The following CACNB2 variants were observed in gnomAD, a reference collection of about 807,000 sequenced individuals.
CACNB2 encodes the protein calcium voltage-gated channel auxiliary subunit beta 2.
In CACNB2, 42 loss-of-function variants were observed where a neutral mutation model predicts 73.3. That is an observed-to-expected ratio of 0.57 (90% CI 0.45 to 0.74). The LOEUF is 0.74. CACNB2 is among the 30% of genes least tolerant of loss of function. The probability of loss-of-function intolerance (pLI) is 0.00; values close to 1 mark genes in which losing one functional copy is unlikely to be tolerated. For synonymous variants in CACNB2, 348 were observed against 310.3 expected, an observed-to-expected ratio of 1.12 and a Z score of -1.28; for missense variants, 940 against 853.0, an observed-to-expected ratio of 1.10 and a Z score of -1.27.
At chr10:18,502,516 C>T (rs1243257874) in intron 5 of CACNB2, among the ~76,000 whole-genome samples, 1 of 150,104 alleles carries the variant, frequency 6.7e-6, no homozygotes, top group African/African-American at 2.5e-5. Flanking sequence ...TTGTGAAACC[C>T]CGTCTCTACT....
At chr10:18,256,218 GT>G (rs1243080786) in intron 2 of CACNB2, among the ~76,000 whole-genome samples, 1 of 151,980 alleles carries the variant, frequency 6.6e-6, no homozygotes, top group Admixed American at 6.6e-5. Flanking sequence ...AATTCATTAG[GT>G]TTGTAATTTA....
intron 3 of CACNB2, among the ~76,000 whole-genome samples, chr10:18,471,791 A>G (rs1443556766): frequency 2.6e-5 from 4 of 152,174 alleles, no homozygotes; most frequent in Admixed American, 1.3e-4. Flanking sequence ...GTCCTTTTAT[A>G]ATTGAGGTAA....
chr10:18,333,201 A>T (rs1019340523), intron 2 of CACNB2, among the ~76,000 whole-genome samples: 1 of 152,168 alleles, frequency 6.6e-6, no homozygotes, highest in Non-Finnish European at 1.5e-5. Flanking sequence ...ATATGCTTGA[A>T]TTCAACGCGC....
chr10:18,185,956 A>G (rs1433055962), intron 2 of CACNB2, among the ~76,000 whole-genome samples: 1 of 152,146 alleles, frequency 6.6e-6, no homozygotes, highest in Non-Finnish European at 1.5e-5. Context: ...TCGTAAGGTG[A>G]TAAAGAATGG....
chr10:18,420,383 G>T (rs1383280247), intron 3 of CACNB2, among the ~76,000 whole-genome samples: 3 of 151,898 alleles, frequency 2.0e-5, no homozygotes, highest in Non-Finnish European at 4.4e-5. Context: ...AGAAATTGGT[G>T]CACATGATTA....
intron 2 of CACNB2, among the ~76,000 whole-genome samples, chr10:18,334,237 T>C (rs2040915073): frequency 6.6e-6 from 1 of 152,122 alleles, no homozygotes; most frequent in Non-Finnish European, 1.5e-5. Context: ...TTCCACGGTG[T>C]GAATACGAGC....
At chr10:18,185,568 G>T (rs900556611) in intron 2 of CACNB2, among the ~76,000 whole-genome samples, 2 of 152,170 alleles carry the variant, frequency 1.3e-5, no homozygotes, top group African/African-American at 4.8e-5. Context: ...ACAGTTTCTA[G>T]CAGGGTACTT....
chr10:18,475,647 A>C (rs1046498064), intron 3 of CACNB2, among the ~76,000 whole-genome samples: 1 of 152,068 alleles, frequency 6.6e-6, no homozygotes, highest in Admixed American at 6.6e-5. Context: ...CCAAATAACA[A>C]ATCATACCAG....
chr10:18,249,026 C>A (rs1026475702), intron 2 of CACNB2, among the ~76,000 whole-genome samples: 1 of 152,212 alleles, frequency 6.6e-6, no homozygotes, highest in Non-Finnish European at 1.5e-5. Context: ...GGCCAGTCCA[C>A]TCACCTACTC....
intron 3 of CACNB2, among the ~76,000 whole-genome samples, chr10:18,492,276 G>A (rs2049482516): frequency 6.6e-6 from 1 of 152,142 alleles, no homozygotes; most frequent in Non-Finnish European, 1.5e-5. Flanking sequence ...AGTCTGGCCA[G>A]GGACACAAAC....
At chr10:18,253,803 C>T (rs756065730) in intron 2 of CACNB2, among the ~76,000 whole-genome samples, 5 of 152,126 alleles carry the variant, frequency 3.3e-5, no homozygotes, top group Non-Finnish European at 7.3e-5. Context: ...TCATTGCCCC[C>T]GACTCTGGAG....
At chr10:18,178,355 G>A (rs1048437435) in intron 2 of CACNB2, among the ~76,000 whole-genome samples, 1 of 152,090 alleles carries the variant, frequency 6.6e-6, no homozygotes, top group Admixed American at 6.6e-5. Context: ...CTTTGTTAGA[G>A]CCTAATCTTC....
chr10:18,182,690 C>T (rs199829784), intron 2 of CACNB2, among the ~76,000 whole-genome samples: 35 of 151,676 alleles, frequency 2.3e-4, no homozygotes, highest in East Asian at 9.7e-4. Flanking sequence ...GGCGTGGTGG[C>T]GTGCACCTGT....
At chr10:18,518,548 C>A in intron 8 of CACNB2, 132 bp downstream of exon 8, 1 of 752,318 alleles carries the variant, frequency 1.3e-6, no homozygotes, top group Non-Finnish European at 2.4e-6. Flanking sequence ...GAGCTCACAG[C>A]AGCAAAGCCT....
chr10:18,360,932 C>T (rs1028908002), intron 2 of CACNB2, among the ~76,000 whole-genome samples: 3 of 152,146 alleles, frequency 2.0e-5, no homozygotes, highest in Non-Finnish European at 4.4e-5. Flanking sequence ...ATCATCAAAG[C>T]CAAGAGGTTT....
At chr10:18,405,924 C>A (rs570994664) in intron 3 of CACNB2, among the ~76,000 whole-genome samples, 3 of 151,748 alleles carry the variant, frequency 2.0e-5, no homozygotes, top group Non-Finnish European at 4.4e-5. Context: ...CTTGCTCTCA[C>A]GTGTGCAACA....
chr10:18,399,241 A>G (rs1275445720), intron 2 of CACNB2, among the ~76,000 whole-genome samples: 2 of 152,136 alleles, frequency 1.3e-5, no homozygotes, highest in Non-Finnish European at 2.9e-5. Flanking sequence ...TGCTACTACT[A>G]TAAGAAGCCC....
chr10:18,323,779 G>A (rs1022735185), intron 2 of CACNB2, among the ~76,000 whole-genome samples: 2 of 152,152 alleles, frequency 1.3e-5, no homozygotes, highest in Non-Finnish European at 2.9e-5. Context: ...AAGTTGGAAA[G>A]CTTTATGTTG....
At chr10:18,532,905 G>A (rs2053205638) in intron 10 of CACNB2, 1 of 151,784 alleles carries the variant, frequency 6.6e-6, no homozygotes, top group African/African-American at 2.4e-5. Context: ...GGGATTCAGT[G>A]GCCCAATGTT....
Sources: gnomAD v4.1 joint callset for allele counts (sites outside exome capture counted in the v4.1 genomes callset) on GRCh38, gnomAD v4.1.1 for gene constraint, MANE v1.5 for transcripts, NCBI Gene and HGNC (gene_info 2026-07-23, HGNC 2026-07-21) for gene names.